THSD4: variants seen among roughly 807,000 people sequenced by gnomAD.
THSD4 encodes thrombospondin type 1 domain containing 4, also known as thrombospondin type-1 domain-containing protein 4.
Under a neutral mutation model 119.0 loss-of-function variants are expected in THSD4, and 69 were observed. The ratio of observed to expected loss-of-function variants is 0.58; its 90% CI spans 0.48 to 0.71. The LOEUF (loss-of-function observed/expected upper bound fraction) is 0.71. Ranked by LOEUF, THSD4 falls within the 30% of genes least tolerant of loss-of-function variation. THSD4 has a pLI of 0.00. For missense variants in THSD4, 1,393 were observed against 1,391.1 expected, an observed-to-expected ratio of 1.00 and a Z score of -0.02; for synonymous variants, 524 against 540.4, an observed-to-expected ratio of 0.97 and a Z score of 0.42.
At chr15:71,725,759 G>A (rs1469737791) in intron 8 of THSD4, among the ~76,000 whole-genome samples, 1 of 152,116 alleles carries the variant, frequency 6.6e-6, no homozygotes, top group Non-Finnish European at 1.5e-5. Flanking sequence ...GATGGTTGAG[G>A]AATTAGTGGG....
chr15:71,605,449 TG>T (rs1377850415), intron 7 of THSD4, among the ~76,000 whole-genome samples: 1 of 152,162 alleles, frequency 6.6e-6, no homozygotes, highest in Non-Finnish European at 1.5e-5. Flanking sequence ...GACTGCCGTG[TG>T]GGGAACAGAC....
intron 7 of THSD4, among the ~76,000 whole-genome samples, chr15:71,644,906 C>T (rs915397127): frequency 1.3e-4 from 18 of 141,096 alleles, no homozygotes; most frequent in East Asian, 6.0e-4. Context: ...AATCCTTAGG[C>T]GGCAATAACG....
chr15:71,685,233 G>T (rs2051882726), intron 8 of THSD4, among the ~76,000 whole-genome samples: 1 of 149,102 alleles, frequency 6.7e-6, no homozygotes, highest in Non-Finnish European at 1.5e-5. Context: ...TATTTAAATT[G>T]CATAAATTCA....
At chr15:71,288,175 G>A (rs1198313836) in intron 6 of THSD4, among the ~76,000 whole-genome samples, 2 of 152,116 alleles carry the variant, frequency 1.3e-5, no homozygotes, top group Non-Finnish European at 2.9e-5. Flanking sequence ...TCGGCCTTTA[G>A]ATGATAAAAA....
chr15:71,416,140 T>C (rs139728355), intron 7 of THSD4, among the ~76,000 whole-genome samples: 2,118 of 152,336 alleles, frequency 0.014, 49 homozygotes, highest in African/African-American at 0.048. Context: ...CTTAACATAA[T>C]GACCTCCAGT....
At chr15:71,630,357 C>T (rs1024062107) in intron 7 of THSD4, among the ~76,000 whole-genome samples, 1 of 152,098 alleles carries the variant, frequency 6.6e-6, no homozygotes, top group Non-Finnish European at 1.5e-5. Context: ...CTAGGCAGGG[C>T]TCAGTATACT....
chr15:71,709,744 A>G (rs576116398), intron 8 of THSD4, among the ~76,000 whole-genome samples: 6 of 152,160 alleles, frequency 3.9e-5, no homozygotes, highest in Non-Finnish European at 8.8e-5. Flanking sequence ...TATCTAAGGC[A>G]TGGTTCCCAA....
chr15:71,237,912 T>C (rs1426306479), intron 4 of THSD4, among the ~76,000 whole-genome samples: 2 of 152,194 alleles, frequency 1.3e-5, no homozygotes, highest in African/African-American at 4.8e-5. Flanking sequence ...AAGGAAAACA[T>C]GCTGTTTGCA....
chr15:71,558,909 C>G (rs2049067512), intron 7 of THSD4, among the ~76,000 whole-genome samples: 1 of 151,896 alleles, frequency 6.6e-6, no homozygotes, highest in Non-Finnish European at 1.5e-5. Context: ...ATATTGTGGT[C>G]TGAGAATGTG....
intron 6 of THSD4, among the ~76,000 whole-genome samples, chr15:71,389,282 C>G (rs188700359): frequency 6.6e-6 from 1 of 152,176 alleles, no homozygotes; most frequent in East Asian, 1.9e-4. Flanking sequence ...ACAGAAACTC[C>G]CCATTTCCCT....
At chr15:71,446,836 G>A (rs1489139429) in intron 7 of THSD4, among the ~76,000 whole-genome samples, 2 of 152,154 alleles carry the variant, frequency 1.3e-5, no homozygotes, top group African/African-American at 4.8e-5. Flanking sequence ...GCAGGAGGAG[G>A]AGCCTATTCT....
chr15:71,336,384 A>G (rs1296303294), intron 6 of THSD4, among the ~76,000 whole-genome samples: 1 of 152,268 alleles, frequency 6.6e-6, no homozygotes, highest in Non-Finnish European at 1.5e-5. Flanking sequence ...TTCAAGTTAT[A>G]GAAAAGTTAA....
intron 7 of THSD4, among the ~76,000 whole-genome samples, chr15:71,539,840 T>G (rs2048733826): frequency 6.6e-6 from 1 of 152,236 alleles, no homozygotes; most frequent in Admixed American, 6.5e-5. Context: ...GTGCTGACTC[T>G]TGGGGCCACA....
intron 6 of THSD4, among the ~76,000 whole-genome samples, chr15:71,373,868 C>T (rs577379920): frequency 3.3e-5 from 5 of 152,284 alleles, no homozygotes; most frequent in Non-Finnish European, 7.4e-5. Context: ...GCATTATATA[C>T]ACACAAATGC....
chr15:71,408,017 A>G (rs2046631104), intron 6 of THSD4, among the ~76,000 whole-genome samples: 1 of 152,182 alleles, frequency 6.6e-6, no homozygotes, highest in Non-Finnish European at 1.5e-5. Context: ...GAGGACAAAG[A>G]AGGAGAGAAA....
intron 7 of THSD4, among the ~76,000 whole-genome samples, chr15:71,501,071 A>G (rs891277119): frequency 2.0e-5 from 3 of 152,244 alleles, no homozygotes; most frequent in African/African-American, 7.2e-5. Context: ...TTTGGGTAGC[A>G]TGGATATTCT....
At chr15:71,608,251 C>CAG (rs2050153870) in intron 7 of THSD4, among the ~76,000 whole-genome samples, 1 of 58,168 alleles carries the variant, frequency 1.7e-5, no homozygotes, top group African/African-American at 4.2e-5. Context: ...TATATATATA[C>CAG]ACACACACAC....
chr15:71,699,059 G>GCAT (rs2052228937), intron 8 of THSD4, among the ~76,000 whole-genome samples: 1 of 152,088 alleles, frequency 6.6e-6, no homozygotes, highest in Non-Finnish European at 1.5e-5. Context: ...TAAAAGAGTA[G>GCAT]ACCTTATTTT....
intron 7 of THSD4, among the ~76,000 whole-genome samples, chr15:71,623,927 A>G (rs1207013144): frequency 1.2e-4 from 2 of 16,996 alleles, no homozygotes; most frequent in African/African-American, 2.3e-4. Context: ...CCCTCTCAAG[A>G]AAAAAAAAAA....
Sources: gnomAD v4.1 joint callset for allele counts (sites outside exome capture counted in the v4.1 genomes callset) on GRCh38, gnomAD v4.1.1 for gene constraint, MANE v1.5 for transcripts, NCBI Gene and HGNC (gene_info 2026-07-23, HGNC 2026-07-21) for gene names.